FRMD6: variants seen among roughly 807,000 people sequenced by gnomAD.
The protein encoded by FRMD6 is FERM domain containing 6, also known as FERM domain-containing protein 6.
Under a neutral mutation model 73.2 loss-of-function variants are expected in FRMD6, and 37 were observed. That is an observed-to-expected ratio of 0.51 (90% confidence interval 0.39 to 0.66). The LOEUF is 0.66. FRMD6 is among the 30% of genes least tolerant of loss of function. FRMD6 has a pLI of 0.00. For missense variants in FRMD6, 714 were observed against 780.5 expected, an observed-to-expected ratio of 0.91 and a Z score of 1.02; for synonymous variants, 273 against 282.2, an observed-to-expected ratio of 0.97 and a Z score of 0.33.
chr14:51,530,625 C>T (rs1003790382), intron 1 of FRMD6, among the ~76,000 whole-genome samples: 1 of 146,572 alleles, frequency 6.8e-6, no homozygotes, highest in Admixed American at 6.9e-5. Flanking sequence ...GGACCACAGG[C>T]ATGCACCACC....
chr14:51,479,756 A>G, the FRMD6 span, among the ~76,000 whole-genome samples: 3 of 152,134 alleles, frequency 2.0e-5, no homozygotes, highest in Non-Finnish European at 4.4e-5. Context: ...CTGAGACTTG[A>G]GCTAGGCTTT....
intron 2 of FRMD6, among the ~76,000 whole-genome samples, chr14:51,692,326 C>G (rs1761144520): frequency 6.6e-6 from 1 of 152,164 alleles, no homozygotes; most frequent in African/African-American, 2.4e-5. Context: ...TTGAATCCTA[C>G]TTACATATGT....
chr14:51,417,855 T>A, the FRMD6 span, among the ~76,000 whole-genome samples: 2 of 152,218 alleles, frequency 1.3e-5, no homozygotes, highest in African/African-American at 2.4e-5. Flanking sequence ...CATTTTTTTT[T>A]ACTCTTTTTT....
intron 3 of FRMD6, among the ~76,000 whole-genome samples, chr14:51,700,629 A>T (rs1190403331): frequency 6.6e-6 from 1 of 152,006 alleles, no homozygotes; most frequent in African/African-American, 2.4e-5. Context: ...AATTTCTTAC[A>T]TAGCAATTAA....
the FRMD6 span, among the ~76,000 whole-genome samples, chr14:51,471,519 T>C: frequency 4.1e-5 from 6 of 146,480 alleles, no homozygotes; most frequent in Non-Finnish European, 9.0e-5. Context: ...AAAAAAAAAA[T>C]TGATGTCTTC....
chr14:51,656,355 A>T (rs35004553), intron 1 of FRMD6, among the ~76,000 whole-genome samples: 36,262 of 152,006 alleles, frequency 0.24, 4,542 homozygotes, highest in African/African-American at 0.33. Context: ...TACAGTCGCA[A>T]GGAGAAGGCA....
At chr14:51,468,069 A>T in the FRMD6 span, among the ~76,000 whole-genome samples, 24 of 152,094 alleles carry the variant, frequency 1.6e-4, 1 homozygote, top group Admixed American at 1.4e-3. Flanking sequence ...CTGGCAGATC[A>T]CTCGCGGTCA....
the FRMD6 span, among the ~76,000 whole-genome samples, chr14:51,441,963 T>G: frequency 1.3e-5 from 2 of 152,224 alleles, no homozygotes; most frequent in Non-Finnish European, 2.9e-5. Context: ...TCTTCTTTAT[T>G]CAAACACCTG....
chr14:51,516,755 G>A (rs1422004868), intron 1 of FRMD6, among the ~76,000 whole-genome samples: 3 of 152,096 alleles, frequency 2.0e-5, no homozygotes, highest in Non-Finnish European at 1.5e-5. Context: ...AGAATAAAAT[G>A]TTCCAAATTG....
the FRMD6 span, among the ~76,000 whole-genome samples, chr14:51,443,854 T>C: frequency 1.3e-5 from 2 of 151,968 alleles, no homozygotes. Context: ...ATAACAAACA[T>C]CATTCCTTTT....
chr14:51,499,273 G>T (rs904429480), intron 1 of FRMD6, among the ~76,000 whole-genome samples: 2 of 152,196 alleles, frequency 1.3e-5, no homozygotes, highest in African/African-American at 4.8e-5. Flanking sequence ...TCTGTTCACA[G>T]TTGTCACCTG....
the FRMD6 span, among the ~76,000 whole-genome samples, chr14:51,408,400 G>T: frequency 6.6e-6 from 1 of 151,954 alleles, no homozygotes; most frequent in South Asian, 2.1e-4. Flanking sequence ...AATACTGCTT[G>T]AATTTATGTT....
chr14:51,651,312 G>C (rs1041634960), upstream of FRMD6: 7 of 152,322 alleles, frequency 4.6e-5, no homozygotes, highest in Admixed American at 3.9e-4. Flanking sequence ...GTCTCGAGTG[G>C]CGGGCGGGCA....
At chr14:51,430,973 A>G in the FRMD6 span, among the ~76,000 whole-genome samples, 2 of 152,142 alleles carry the variant, frequency 1.3e-5, no homozygotes, top group African/African-American at 2.4e-5. Flanking sequence ...ATTGCTATTC[A>G]TGTATGGAGT....
chr14:51,422,152 A>G, the FRMD6 span, among the ~76,000 whole-genome samples: 1 of 152,178 alleles, frequency 6.6e-6, no homozygotes, highest in Non-Finnish European at 1.5e-5. Flanking sequence ...AATATATATC[A>G]TCATCATAAA....
intron 2 of FRMD6, among the ~76,000 whole-genome samples, chr14:51,590,451 C>G (rs1335321999): frequency 6.6e-6 from 1 of 152,038 alleles, no homozygotes; most frequent in East Asian, 1.9e-4. Flanking sequence ...GCTTGTAAAT[C>G]CAAGAAGAAA....
rs1895412111 is a variant in FRMD6 at position 51,689,753 on chromosome 14, G to A, written c.-84G>A. 21 of 807,230 alleles carry A rather than the reference G, an allele frequency of 2.6e-5. No homozygotes were observed. The highest frequency in any genetic ancestry group is 4.2e-5 in the Non-Finnish European group (19 of 448,450). 50.0% of individuals were successfully genotyped at this position (807,230 alleles called of 1,614,324 possible). A position where few individuals can be genotyped will look rare whatever the true frequency, so the allele number is the denominator to read the frequency against. On this transcript the variant is annotated 5_prime_UTR_variant, in exon 2 of 14. Coordinates refer to ENST00000344768, the MANE Select transcript of FRMD6 (RefSeq NM_001267046.2). ...CCTGCAGGGCGTGTGATGAGGAGGCGAGCTTGGCTTTGGAGTGCTGGGAAC... is the reference window on the plus strand; with the variant it reads ...CCTGCAGGGCGTGTGATGAGGAGGCAAGCTTGGCTTTGGAGTGCTGGGAAC...
chr14:51,538,089 T>C (rs745480888), intron 1 of FRMD6, among the ~76,000 whole-genome samples: 2 of 152,202 alleles, frequency 1.3e-5, no homozygotes, highest in African/African-American at 2.4e-5. Flanking sequence ...GCACCCAAGG[T>C]CATCTAGATT....
the FRMD6 span, among the ~76,000 whole-genome samples, chr14:51,444,710 C>T: frequency 6.6e-6 from 1 of 152,142 alleles, no homozygotes; most frequent in Admixed American, 6.5e-5. Flanking sequence ...GAGCCCTATA[C>T]CCTTAGAGTT....
Sources: gnomAD v4.1 joint callset for allele counts (sites outside exome capture counted in the v4.1 genomes callset) on GRCh38, gnomAD v4.1.1 for gene constraint, MANE v1.5 for transcripts, NCBI Gene and HGNC (gene_info 2026-07-23, HGNC 2026-07-21) for gene names.